EYS: variants seen among roughly 807,000 people sequenced by gnomAD.
The protein encoded by EYS is protein eyes shut homolog.
Under a neutral mutation model 282.1 loss-of-function variants are expected in EYS, and 250 were observed. The observed-to-expected ratio is 0.89, with a 90% CI of 0.80 to 0.98. EYS has a LOEUF of 0.98. EYS is among the 50% of genes least tolerant of loss of function. EYS has a pLI of 0.00. For missense variants in EYS, 4,016 were observed against 3,709.0 expected (o/e 1.08, Z -2.15); for synonymous variants, 1,355 against 1,282.9 (o/e 1.06, Z -1.20).
chr6:65,696,651 A>C (rs1769467925), intron 1 of EYS, among the ~76,000 whole-genome samples: 1 of 152,026 alleles, frequency 6.6e-6, no homozygotes, highest in African/African-American at 2.4e-5. Flanking sequence ...ACATAAAAGT[A>C]TCGTATAAAT....
At position 63,779,471 on chromosome 6, in the gene EYS, A is replaced by C. The variant is rs1227203549; in HGVS notation, c.7724-1291T>G. 5 of 151,620 alleles carry C rather than the reference A, an allele frequency of 3.3e-5. No individual in the cohort carries two copies. The South Asian group carries it at 6.2e-4, about 19-fold the overall frequency. The allele number at this position is 151,620 out of a possible 1,614,324, so 9.4% of individuals were successfully genotyped here. On this transcript the variant is annotated intron_variant, in intron 39 of 42. Coordinates refer to ENST00000503581, the MANE Select transcript of EYS (RefSeq NM_001142800.2). The stretch of plus-strand genomic sequence containing the variant: ...TCTGTTTCAAAAAAAAAAAAACCAA[A>C]CAAACAAAAATAACTTTTCTACCCC...
intron 35 of EYS, among the ~76,000 whole-genome samples, chr6:63,934,608 A>G (rs1335977787): frequency 6.6e-6 from 1 of 152,124 alleles, no homozygotes; most frequent in Non-Finnish European, 1.5e-5. Context: ...AGGGACATGG[A>G]TGAAGCAGGA....
chr6:65,055,483 T>G (rs549043081), intron 13 of EYS, among the ~76,000 whole-genome samples: 1 of 152,226 alleles, frequency 6.6e-6, no homozygotes, highest in African/African-American at 2.4e-5. Context: ...CCAATATTGA[T>G]GTTATTAACT....
chr6:64,617,584 A>G (rs1767314089), intron 23 of EYS, 51 bp from the exon 24 acceptor site: 4 of 1,025,340 alleles, frequency 3.9e-6, no homozygotes, highest in Middle Eastern at 2.0e-4. Context: ...GATAATAAAA[A>G]CAGTTATGCT....
intron 22 of EYS, among the ~76,000 whole-genome samples, chr6:64,637,271 T>C (rs1450511245): frequency 1.1e-5 from 1 of 90,174 alleles, no homozygotes; most frequent in Admixed American, 1.2e-4. Flanking sequence ...CCATAAAAAA[T>C]GAAGAGTTCA....
intron 12 of EYS, among the ~76,000 whole-genome samples, chr6:65,200,413 A>G (rs1042510013): frequency 6.6e-6 from 1 of 151,646 alleles, no homozygotes; most frequent in South Asian, 2.1e-4. Context: ...GCTGGACTCC[A>G]TGAAGTCCCT....
chr6:64,848,058 C>T (rs887839120), intron 19 of EYS, among the ~76,000 whole-genome samples: 3 of 151,912 alleles, frequency 2.0e-5, no homozygotes, highest in African/African-American at 7.2e-5. Context: ...TTATAGCTAC[C>T]ACATTGGGTC....
At chr6:65,283,358 A>G (rs1768275417) in intron 12 of EYS, among the ~76,000 whole-genome samples, 1 of 152,032 alleles carries the variant, frequency 6.6e-6, no homozygotes, top group South Asian at 2.1e-4. Context: ...AAATGATAAT[A>G]TCAGTTGTTT....
intron 12 of EYS, among the ~76,000 whole-genome samples, chr6:65,119,370 G>A (rs17577106): frequency 0.2 from 29,726 of 152,134 alleles, 3,405 homozygotes; most frequent in South Asian, 0.27. Context: ...GAGCTACCAC[G>A]TCTAAACCTT....
At chr6:64,180,995 C>A (rs909437190) in intron 31 of EYS, among the ~76,000 whole-genome samples, 6 of 152,088 alleles carry the variant, frequency 3.9e-5, no homozygotes, top group Non-Finnish European at 7.4e-5. Flanking sequence ...ATTGTTTCCA[C>A]CTTCGTGTCC....
chr6:63,800,872 T>C (rs192551138), intron 37 of EYS, among the ~76,000 whole-genome samples: 1 of 152,288 alleles, frequency 6.6e-6, no homozygotes, highest in East Asian at 1.9e-4. Context: ...AGTTGAGACT[T>C]AAAGGGCAGT....
intron 13 of EYS, among the ~76,000 whole-genome samples, chr6:65,000,827 G>A (rs1338803595): frequency 6.6e-6 from 1 of 152,172 alleles, no homozygotes; most frequent in South Asian, 2.1e-4. Context: ...GTATAATGGT[G>A]TTCAAGATTT....
At chr6:65,334,162 C>T (rs765146069) in intron 11 of EYS, among the ~76,000 whole-genome samples, 1 of 151,702 alleles carries the variant, frequency 6.6e-6, no homozygotes, top group South Asian at 2.1e-4. Context: ...TTGTTTTCCA[C>T]ATGTCTTATA....
In EYS at chr6:64,584,838, C is replaced by G. The variant is rs1432250577; in HGVS notation, c.5644+5385G>C. On this transcript the variant is annotated intron_variant, in intron 26 of 42. Transcript: ENST00000503581. ...CATTTTTTGGCTTAGAAAGGTATTACTTTTAGTTAATGTACTATAAAATGT... is the reference window on the plus strand; with the variant it reads ...CATTTTTTGGCTTAGAAAGGTATTAGTTTTAGTTAATGTACTATAAAATGT... Among the ~76,000 whole-genome samples the G allele has an allele frequency of 2.0e-5, 3 of 152,080 alleles. No homozygotes were observed. The East Asian group carries it at 5.8e-4, about 29-fold the overall frequency.
intron 2 of EYS, among the ~76,000 whole-genome samples, chr6:65,586,299 G>T (rs1049172286): frequency 1.3e-5 from 2 of 151,976 alleles, no homozygotes; most frequent in Non-Finnish European, 2.9e-5. Flanking sequence ...AATATGCACT[G>T]CTCTTACACT....
intron 5 of EYS, among the ~76,000 whole-genome samples, chr6:65,481,484 T>C (rs371131409): frequency 6.6e-6 from 1 of 152,180 alleles, no homozygotes; most frequent in African/African-American, 2.4e-5. Context: ...ATTTATTAAG[T>C]ATAGTATACA....
intron 12 of EYS, among the ~76,000 whole-genome samples, chr6:65,091,871 G>A (rs1407855710): frequency 1.3e-5 from 2 of 152,022 alleles, no homozygotes; most frequent in African/African-American, 2.4e-5. Context: ...AAATATAACT[G>A]CACTGCTGAC....
intron 22 of EYS, among the ~76,000 whole-genome samples, chr6:64,629,487 C>T (rs1002212488): frequency 1.3e-5 from 2 of 152,034 alleles, no homozygotes; most frequent in African/African-American, 4.8e-5. Flanking sequence ...CTTAACAATA[C>T]TGAGTTTTTC....
chr6:64,247,243 G>C (rs76111144), intron 30 of EYS, among the ~76,000 whole-genome samples: 1 of 152,120 alleles, frequency 6.6e-6, no homozygotes, highest in African/African-American at 2.4e-5. Context: ...TGAAAGACAA[G>C]TCAGTAATCA....
Sources: allele counts gnomAD v4.1 joint callset (sites outside exome capture counted in the v4.1 genomes callset), GRCh38; gene constraint gnomAD v4.1.1; transcripts MANE v1.5; gene names NCBI Gene and HGNC (gene_info 2026-07-23, HGNC 2026-07-21).